Variants in CTNNA3 observed in about 807,000 individuals in gnomAD.
CTNNA3 encodes the protein catenin alpha-3.
In CTNNA3, 76 loss-of-function variants were observed where a neutral mutation model predicts 95.7. The observed-to-expected ratio is 0.79, with a 90% confidence interval of 0.66 to 0.96. The LOEUF is 0.96. CTNNA3 is among the 40% of genes least tolerant of loss of function. The pLI, the probability that CTNNA3 is intolerant of heterozygous loss-of-function variation, is 0.00. For synonymous variants in CTNNA3, 431 were observed against 374.4 expected (o/e 1.15, Z -1.74); for missense variants, 1,191 against 1,089.8 (o/e 1.09, Z -1.31).
chr10:66,444,621 T>G (rs1401507027), intron 11 of CTNNA3, among the ~76,000 whole-genome samples: 2 of 151,998 alleles, frequency 1.3e-5, no homozygotes, highest in African/African-American at 2.4e-5. Flanking sequence ...GACAAGCAAA[T>G]GCTGAGAGAT....
intron 7 of CTNNA3, among the ~76,000 whole-genome samples, chr10:66,845,712 A>AAAAAAACAAAC (rs1290079652): frequency 2.1e-4 from 26 of 126,412 alleles, no homozygotes; most frequent in Non-Finnish European, 2.0e-4. Flanking sequence ...TCAAAAAAAA[A>AAAAAAACAAAC]AAAAAAAAAA....
chr10:67,588,029 A>G (rs943177339), intron 3 of CTNNA3, among the ~76,000 whole-genome samples: 2 of 152,090 alleles, frequency 1.3e-5, no homozygotes, highest in African/African-American at 4.8e-5. Flanking sequence ...ATTTCCATCA[A>G]TAAATTCTTC....
At chr10:66,602,037 G>C (rs1005451715) in intron 10 of CTNNA3, among the ~76,000 whole-genome samples, 1 of 151,974 alleles carries the variant, frequency 6.6e-6, no homozygotes, top group East Asian at 1.9e-4. Context: ...GAGACTTTCA[G>C]TTATAGAACT....
At chr10:67,548,855 T>G (rs921496888) in intron 3 of CTNNA3, among the ~76,000 whole-genome samples, 7 of 151,542 alleles carry the variant, frequency 4.6e-5, no homozygotes, top group African/African-American at 1.7e-4. Flanking sequence ...GTAAACCCTA[T>G]ATCCAATAAG....
chr10:66,763,097 T>C (rs1305266414), intron 9 of CTNNA3, among the ~76,000 whole-genome samples: 1 of 152,020 alleles, frequency 6.6e-6, no homozygotes, highest in African/African-American at 2.4e-5. Context: ...AGGGGATTGG[T>C]AAATAGTCTA....
chr10:67,696,712 CCA>C (rs1491373718), upstream of CTNNA3, among the ~76,000 whole-genome samples: 5 of 140,130 alleles, frequency 3.6e-5, no homozygotes, highest in African/African-American at 1.4e-4. Flanking sequence ...ATTTAAGCCA[CCA>C]AAAAAAAAAG....
chr10:67,341,402 T>A (rs192748817), intron 5 of CTNNA3, among the ~76,000 whole-genome samples: 1 of 152,288 alleles, frequency 6.6e-6, no homozygotes, highest in Admixed American at 6.5e-5. Flanking sequence ...ATGAGTTCAA[T>A]TGTTTTGATT....
chr10:67,658,309 A>G (rs1376924864), intron 1 of CTNNA3, among the ~76,000 whole-genome samples: 1 of 152,206 alleles, frequency 6.6e-6, no homozygotes, highest in Non-Finnish European at 1.5e-5. Flanking sequence ...AAATCCATTA[A>G]CTTAGCCAAT....
chr10:67,075,049 A>G (rs1856676300), intron 7 of CTNNA3, among the ~76,000 whole-genome samples: 2 of 152,074 alleles, frequency 1.3e-5, no homozygotes, highest in African/African-American at 4.8e-5. Context: ...TCAGCTTCTA[A>G]CAGTAAGTTT....
chr10:66,882,315 A>G (rs1844879505), intron 7 of CTNNA3, among the ~76,000 whole-genome samples: 1 of 152,146 alleles, frequency 6.6e-6, no homozygotes, highest in Non-Finnish European at 1.5e-5. Context: ...TAGAGCAGAA[A>G]GGGAACAGTC....
chr10:67,663,491 G>A (rs1286043373), intron 1 of CTNNA3, among the ~76,000 whole-genome samples: 2 of 152,058 alleles, frequency 1.3e-5, no homozygotes, highest in Non-Finnish European at 2.9e-5. Flanking sequence ...TGAGCCTCAG[G>A]TGGGTCTCCT....
At chr10:67,712,929 T>A (rs576585457) in intron 1 of CTNNA3, among the ~76,000 whole-genome samples, 1 of 152,098 alleles carries the variant, frequency 6.6e-6, no homozygotes, top group Non-Finnish European at 1.5e-5. Context: ...CCAAAATTGA[T>A]AAATTGATCT....
chr10:67,336,209 A>G (rs1208890855), intron 5 of CTNNA3, among the ~76,000 whole-genome samples: 1 of 152,110 alleles, frequency 6.6e-6, no homozygotes, highest in African/African-American at 2.4e-5. Context: ...ATTCCTTGAG[A>G]TACAATGTTG....
At chr10:67,502,528 C>T (rs1026219660) in intron 5 of CTNNA3, among the ~76,000 whole-genome samples, 12 of 152,222 alleles carry the variant, frequency 7.9e-5, no homozygotes, top group African/African-American at 2.7e-4. Context: ...CTCTTCAGAG[C>T]TGGCAGATGG....
chr10:66,432,591 G>T (rs909946945), intron 11 of CTNNA3, among the ~76,000 whole-genome samples: 2 of 151,636 alleles, frequency 1.3e-5, no homozygotes, highest in African/African-American at 2.4e-5. Flanking sequence ...AACCCGGGAG[G>T]TGGAGCTTGC....
At chr10:66,122,884 A>G (rs958633542) in intron 13 of CTNNA3, among the ~76,000 whole-genome samples, 1 of 152,044 alleles carries the variant, frequency 6.6e-6, no homozygotes, top group African/African-American at 2.4e-5. Context: ...TGCAGGAAAA[A>G]CCTGGCCCCA....
At chr10:66,288,277 A>C (rs954852672) in intron 12 of CTNNA3, among the ~76,000 whole-genome samples, 23 of 152,120 alleles carry the variant, frequency 1.5e-4, no homozygotes, top group Admixed American at 5.9e-4. Context: ...AGAGTAAGGT[A>C]GAAGGGATAT....
At chr10:67,240,497 T>TA (rs1230525148) in intron 5 of CTNNA3, among the ~76,000 whole-genome samples, 2 of 152,062 alleles carry the variant, frequency 1.3e-5, no homozygotes, top group African/African-American at 2.4e-5. Flanking sequence ...AAATTAAAAT[T>TA]AAAAAAATGC....
intron 7 of CTNNA3, among the ~76,000 whole-genome samples, chr10:67,078,870 A>C (rs1386423902): frequency 6.6e-6 from 1 of 152,188 alleles, no homozygotes; most frequent in Non-Finnish European, 1.5e-5. Context: ...GGTTAGCAGG[A>C]CACTTGTAAT....
Sources: allele counts gnomAD v4.1 joint callset (sites outside exome capture counted in the v4.1 genomes callset), GRCh38; gene constraint gnomAD v4.1.1; transcripts MANE v1.5; gene names NCBI Gene and HGNC (gene_info 2026-07-23, HGNC 2026-07-21).